NRP1: variants seen among roughly 807,000 people sequenced by gnomAD.
The protein encoded by NRP1 is neuropilin 1.
In NRP1, 35 loss-of-function variants were observed where a neutral mutation model predicts 106.7. The ratio of observed to expected loss-of-function variants is 0.33; its 90% CI spans 0.25 to 0.43. NRP1 has a LOEUF of 0.43. Ranked by LOEUF, NRP1 falls within the 20% of genes least tolerant of loss-of-function variation. The probability of loss-of-function intolerance (pLI) is 1.00; values close to 1 mark genes in which losing one functional copy is unlikely to be tolerated. For missense variants in NRP1, 1,024 were observed against 1,170.4 expected (o/e 0.87, Z 1.83); for synonymous variants, 437 against 417.9 (o/e 1.05, Z -0.56).
At chr10:33,319,588 CTTTT>C (rs35886672) in intron 2 of NRP1, among the ~76,000 whole-genome samples, 3 of 115,588 alleles carry the variant, frequency 2.6e-5, no homozygotes, top group Admixed American at 8.8e-5. Flanking sequence ...TTCTTTCTTT[CTTTT>C]TTTTTTTTTT....
At chr10:33,317,088 A>G (rs931021716) in intron 2 of NRP1, among the ~76,000 whole-genome samples, 4 of 152,252 alleles carry the variant, frequency 2.6e-5, no homozygotes, top group Admixed American at 2.6e-4. Context: ...CATTTGACCC[A>G]TAGAGGCCCA....
intron 5 of NRP1, among the ~76,000 whole-genome samples, chr10:33,256,052 CA>C (rs1334915061): frequency 6.6e-6 from 1 of 152,154 alleles, no homozygotes; most frequent in Non-Finnish European, 1.5e-5. Flanking sequence ...TTCATTGTTT[CA>C]AGGCACTATT....
At chr10:33,317,314 T>C (rs1405073368) in intron 2 of NRP1, among the ~76,000 whole-genome samples, 1 of 152,206 alleles carries the variant, frequency 6.6e-6, no homozygotes, top group East Asian at 1.9e-4. Context: ...GCAAACATGC[T>C]CTTTGGTGTT....
intron 6 of NRP1, among the ~76,000 whole-genome samples, chr10:33,246,587 C>CACACACAA (rs56220184): frequency 0.2 from 30,174 of 151,140 alleles, 3,387 homozygotes; most frequent in Non-Finnish European, 0.26. Flanking sequence ...GCAATAAACA[C>CACACACAA]ACACACACAC....
At chr10:33,330,514 C>T (rs1268472607) in intron 2 of NRP1, among the ~76,000 whole-genome samples, 194 bp downstream of exon 2, 6 of 152,178 alleles carry the variant, frequency 3.9e-5, no homozygotes, top group African/African-American at 1.4e-4. Flanking sequence ...TAACTATAAT[C>T]TTCCTGGTTT....
At chr10:33,187,387 C>T (rs2506147) in intron 13 of NRP1, among the ~76,000 whole-genome samples, 4 of 151,894 alleles carry the variant, frequency 2.6e-5, no homozygotes, top group Non-Finnish European at 5.9e-5. Context: ...TTTTCAAGTT[C>T]AGATTATTTT....
At chr10:33,248,573 C>T (rs930538353) in intron 6 of NRP1, among the ~76,000 whole-genome samples, 3 of 145,702 alleles carry the variant, frequency 2.1e-5, no homozygotes, top group South Asian at 2.2e-4. Context: ...ATGGGGAAGA[C>T]GTTAATATTA....
In NRP1 at chr10:33,308,075, C is replaced by T. The variant is rs186446896; in HGVS notation, c.248+22633G>A. Among the ~76,000 whole-genome samples the T allele has an allele frequency of 3.2e-4, 49 of 152,186 alleles. No homozygotes were observed. In the Middle Eastern group the frequency reaches 0.01, roughly 32 times the overall value. ...ATCATGTCCTTTTCAGGAACATGGA[C>T]GCAGCTGGAGGCCATCATCCTAAAT... On this transcript the variant is annotated intron_variant, in intron 2 of 16. Transcript: ENST00000374867.
intron 2 of NRP1, among the ~76,000 whole-genome samples, chr10:33,294,077 G>A (rs1365030358): frequency 1.3e-5 from 2 of 152,202 alleles, no homozygotes; most frequent in Non-Finnish European, 2.9e-5. Flanking sequence ...TTGCAACCTC[G>A]AGTCAAAATC....
At chr10:33,189,288 C>A (rs942424422) in intron 13 of NRP1, among the ~76,000 whole-genome samples, 1 of 152,168 alleles carries the variant, frequency 6.6e-6, no homozygotes, top group African/African-American at 2.4e-5. Flanking sequence ...GCACACTCTG[C>A]CTCTATCTAA....
rs12256267 is a variant in NRP1 at position 33,319,650 on chromosome 10, G to A, written c.248+11058C>T. ...TGCCCAGGCTGGAGTGCATTGGCACGATCTCGGCTTATTGCAAGCTCTGCC... is the reference window on the plus strand; with the variant it reads ...TGCCCAGGCTGGAGTGCATTGGCACAATCTCGGCTTATTGCAAGCTCTGCC... On this transcript the variant is annotated intron_variant, in intron 2 of 16. Transcript: ENST00000374867. Among the ~76,000 whole-genome samples the A allele has an allele frequency of 5.8e-3, 838 of 143,498 alleles. 6 individuals carry two copies. Among genetic ancestry groups the A allele is most frequent in the African/African-American group, 0.021 (792 of 38,114 alleles). 94.1% of individuals were successfully genotyped at this position (143,498 alleles called of 152,430 possible). A position where few individuals can be genotyped will look rare whatever the true frequency, so the allele number is the denominator to read the frequency against.
chr10:33,261,928 G>T (rs1842601735), intron 4 of NRP1, among the ~76,000 whole-genome samples: 1 of 152,094 alleles, frequency 6.6e-6, no homozygotes, highest in African/African-American at 2.4e-5. Flanking sequence ...TAGAGACAGG[G>T]TTTCACTCTG....
intron 8 of NRP1, 145 bp downstream of exon 8, chr10:33,221,574 C>T: frequency 1.0e-6 from 1 of 1,004,226 alleles, no homozygotes; most frequent in Non-Finnish European, 1.4e-6. Context: ...TCGGATTTGT[C>T]TAAATCCAAA....
chr10:33,315,714 CGG>C (rs1846980242), intron 2 of NRP1, among the ~76,000 whole-genome samples: 6 of 96,492 alleles, frequency 6.2e-5, no homozygotes, highest in Admixed American at 2.5e-4. Flanking sequence ...TGTCAGAGGA[CGG>C]AGAAAGAAAG....
Position 33,249,598 on chromosome 10 carries a change from A to G in NRP1, c.981+4430T>C. Reference sequence around the variant, plus strand: ...AGAAAGGAAAAAGGTAAAATTAATAATAAGATCAGCAGCTCTGGGACACAG... The same window carrying G: ...AGAAAGGAAAAAGGTAAAATTAATAGTAAGATCAGCAGCTCTGGGACACAG... On this transcript the variant is annotated intron_variant, in intron 6 of 16. Transcript: ENST00000374867. 8.6e-6 allele frequency: 4 copies of G among 467,094 alleles called. No individual in the cohort carries two copies. The Middle Eastern group carries it at 1.0e-3, about 119-fold the overall frequency. 28.9% of individuals were successfully genotyped at this position (467,094 alleles called of 1,614,324 possible).
intron 8 of NRP1, among the ~76,000 whole-genome samples, chr10:33,219,117 T>C (rs770112891): frequency 6.6e-6 from 1 of 152,210 alleles, no homozygotes; most frequent in Non-Finnish European, 1.5e-5. Context: ...CTGGGGCATA[T>C]GCTAGGTTCA....
intron 7 of NRP1, among the ~76,000 whole-genome samples, chr10:33,225,492 C>T (rs916573474): frequency 1.8e-4 from 27 of 152,168 alleles, no homozygotes; most frequent in African/African-American, 5.5e-4. Flanking sequence ...GCAAGTGTAA[C>T]TTCAAATAAA....
chr10:33,233,592 A>T (rs1840327867), intron 6 of NRP1, among the ~76,000 whole-genome samples: 1 of 152,204 alleles, frequency 6.6e-6, no homozygotes, highest in South Asian at 2.1e-4. Flanking sequence ...GGAAAGCCTC[A>T]TTTCTAAAAT....
intron 2 of NRP1, among the ~76,000 whole-genome samples, chr10:33,304,714 C>A (rs1846026716): frequency 6.6e-6 from 1 of 152,262 alleles, no homozygotes; most frequent in Middle Eastern, 3.4e-3. Flanking sequence ...TCGACTCCTC[C>A]CCATTTATTT....
Sources: allele counts gnomAD v4.1 joint callset (sites outside exome capture counted in the v4.1 genomes callset), GRCh38; gene constraint gnomAD v4.1.1; transcripts MANE v1.5; gene names NCBI Gene and HGNC (gene_info 2026-07-23, HGNC 2026-07-21).